CDH22: variants seen among roughly 807,000 people sequenced by gnomAD.
CDH22 encodes cadherin 22.
CDH22 carries 30 observed loss-of-function variants against 58.4 expected under a neutral mutation model. That is an observed-to-expected ratio of 0.51 (90% CI 0.38 to 0.70). CDH22 has a LOEUF of 0.70. Ranked by LOEUF, CDH22 falls within the 30% of genes least tolerant of loss-of-function variation. The pLI is 0.00. For missense variants in CDH22, 1,014 were observed against 1,233.9 expected, an observed-to-expected ratio of 0.82 and a Z score of 2.67; for synonymous variants, 513 against 558.2, an observed-to-expected ratio of 0.92 and a Z score of 1.14.
chr20:46,265,930 A>G (rs1413670453), intron 1 of CDH22, among the ~76,000 whole-genome samples: 1 of 142,258 alleles, frequency 7.0e-6, no homozygotes, highest in Admixed American at 7.3e-5. Context: ...GGAGCTGTGC[A>G]CACATTCACA....
intron 10 of CDH22, among the ~76,000 whole-genome samples, chr20:46,182,383 G>C (rs1413771654): frequency 6.6e-6 from 1 of 152,218 alleles, no homozygotes; most frequent in African/African-American, 2.4e-5. Context: ...GGAAGCTCTC[G>C]TGTGTTTTAG....
intron 1 of CDH22, among the ~76,000 whole-genome samples, chr20:46,280,521 G>T (rs908745599): frequency 2.2e-4 from 34 of 152,244 alleles, no homozygotes; most frequent in Non-Finnish European, 3.2e-4. Context: ...TTCTCAGGGG[G>T]GCTGGCAGTC....
chr20:46,217,728 C>G (rs1447632007), intron 4 of CDH22, among the ~76,000 whole-genome samples: 1 of 152,052 alleles, frequency 6.6e-6, no homozygotes, highest in Non-Finnish European at 1.5e-5. Context: ...AACTCATACT[C>G]ACATACACAC....
intron 6 of CDH22, among the ~76,000 whole-genome samples, chr20:46,211,570 G>C (rs1340800291): frequency 6.6e-6 from 1 of 152,132 alleles, no homozygotes; most frequent in Non-Finnish European, 1.5e-5. Flanking sequence ...AGGCGCCACT[G>C]CTGGAGTGGG....
chr20:46,283,712 C>T (rs1208588977), intron 1 of CDH22, among the ~76,000 whole-genome samples: 1 of 151,934 alleles, frequency 6.6e-6, no homozygotes, highest in Non-Finnish European at 1.5e-5. Flanking sequence ...TCTACCCTCC[C>T]CACCCCCACC....
intron 8 of CDH22, among the ~76,000 whole-genome samples, chr20:46,193,384 C>T (rs879804642): frequency 2.6e-5 from 4 of 152,220 alleles, no homozygotes; most frequent in South Asian, 2.1e-4. Flanking sequence ...CTGGAGCTCC[C>T]AACCACCTGC....
At chr20:46,233,277 G>A (rs1357748920) in intron 3 of CDH22, among the ~76,000 whole-genome samples, 4 of 152,102 alleles carry the variant, frequency 2.6e-5, no homozygotes, top group Admixed American at 2.6e-4. Flanking sequence ...ATGGATCCCG[G>A]CCATGGACTT....
At chr20:46,191,609 T>C (rs1206201310) in intron 8 of CDH22, among the ~76,000 whole-genome samples, 1 of 151,898 alleles carries the variant, frequency 6.6e-6, no homozygotes, top group Non-Finnish European at 1.5e-5. Context: ...AGGCAGGGAG[T>C]GCTGTTGTTG....
chr20:46,208,121 G>A (rs1182548002), intron 7 of CDH22, among the ~76,000 whole-genome samples: 1 of 152,196 alleles, frequency 6.6e-6, no homozygotes, highest in Non-Finnish European at 1.5e-5. Flanking sequence ...TCAGCTCAGG[G>A]GTTACTCATT....
intron 2 of CDH22, among the ~76,000 whole-genome samples, chr20:46,244,565 T>C (rs1378199935): frequency 6.6e-6 from 1 of 152,218 alleles, no homozygotes; most frequent in Non-Finnish European, 1.5e-5. Context: ...AAATCCAACT[T>C]GACTTTGTGG....
chr20:46,256,263 G>A (rs573677945), intron 1 of CDH22, among the ~76,000 whole-genome samples: 130 of 152,350 alleles, frequency 8.5e-4, no homozygotes, highest in African/African-American at 2.9e-3. Context: ...GGCAAGTGCA[G>A]TGGAGAGAGC....
intron 2 of CDH22, among the ~76,000 whole-genome samples, chr20:46,250,204 T>TTTCA (rs3091437): frequency 0.33 from 49,708 of 151,858 alleles, 9,304 homozygotes; most frequent in Middle Eastern, 0.54. Flanking sequence ...GAGAAAGTAG[T>TTTCA]TTCATTCATT....
At chr20:46,244,158 C>A (rs1288292530) in intron 2 of CDH22, among the ~76,000 whole-genome samples, 4 of 152,220 alleles carry the variant, frequency 2.6e-5, no homozygotes, top group Admixed American at 2.6e-4. Context: ...CATGTCCCTG[C>A]AGGCCTTGAT....
At chr20:46,227,898 G>A (rs934353608) in intron 3 of CDH22, among the ~76,000 whole-genome samples, 1 of 151,614 alleles carries the variant, frequency 6.6e-6, no homozygotes. Context: ...CTCTGGCAAC[G>A]AAAGGCAGCC....
Position 46,200,176 on chromosome 20 carries a change from G to A in CDH22, c.1287-617C>T, listed in dbSNP as rs180681389. 2.2e-3 allele frequency among the ~76,000 whole-genome samples: 327 copies of A among 151,186 alleles called. 1 individual carries two copies. Among genetic ancestry groups the A allele is most frequent in the African/African-American group, 5.4e-3 (224 of 41,102 alleles). On this transcript the variant is annotated intron_variant, in intron 7 of 11. Transcript: ENST00000537909. ...TTTTCAGTAGAGACGGGGTTTCACC[G>A]TGTTAGCCAGGATGGTCTTGATCTC...
At chr20:46,212,345 C>T (rs1341938838) in intron 6 of CDH22, among the ~76,000 whole-genome samples, 2 of 152,100 alleles carry the variant, frequency 1.3e-5, no homozygotes, top group East Asian at 1.9e-4. Context: ...AGAGTGGGGT[C>T]GGAGTGGGTG....
At chr20:46,186,467 C>G in intron 10 of CDH22, 121 bp downstream of exon 10, 1 of 741,246 alleles carries the variant, frequency 1.3e-6, no homozygotes, top group Non-Finnish European at 2.3e-6. Context: ...CCCAGACTTT[C>G]CATGTGATCT....
chr20:46,248,010 G>C (rs541797549), intron 2 of CDH22, among the ~76,000 whole-genome samples: 1 of 152,330 alleles, frequency 6.6e-6, no homozygotes. Context: ...GCTCCTGGCA[G>C]CTGCTTAATA....
chr20:46,177,341 T>C (rs2085748407), intron 11 of CDH22, among the ~76,000 whole-genome samples: 1 of 152,166 alleles, frequency 6.6e-6, no homozygotes, highest in African/African-American at 2.4e-5. Context: ...ACCTCTTCAT[T>C]GGGGAGACTT....
Sources: allele counts gnomAD v4.1 joint callset (sites outside exome capture counted in the v4.1 genomes callset), GRCh38; gene constraint gnomAD v4.1.1; transcripts MANE v1.5; gene names NCBI Gene and HGNC (gene_info 2026-07-23, HGNC 2026-07-21).